The following RAB3C variants were observed in gnomAD, a reference collection of about 807,000 sequenced individuals.
RAB3C encodes ras-related protein Rab-3C.
Under a neutral mutation model 26.4 loss-of-function variants are expected in RAB3C, and 17 were observed. The ratio of observed to expected loss-of-function variants is 0.64; its 90% CI spans 0.44 to 0.97. The LOEUF (loss-of-function observed/expected upper bound fraction) is 0.97. RAB3C is among the 50% of genes least tolerant of loss of function. The pLI, the probability that RAB3C is intolerant of heterozygous loss-of-function variation, is 0.00. For missense variants in RAB3C, 242 were observed against 281.9 expected (o/e 0.86, Z 1.01); for synonymous variants, 91 against 95.9 (o/e 0.95, Z 0.30).
chr5:58,805,589 G>GAAAA (rs1554019798), intron 3 of RAB3C, among the ~76,000 whole-genome samples: 2 of 107,144 alleles, frequency 1.9e-5, no homozygotes, highest in African/African-American at 3.6e-5. Flanking sequence ...GACTCCATCT[G>GAAAA]AAAAAAAAAA....
At chr5:58,678,410 A>G (rs1303256296) in intron 2 of RAB3C, among the ~76,000 whole-genome samples, 1 of 152,140 alleles carries the variant, frequency 6.6e-6, no homozygotes, top group Non-Finnish European at 1.5e-5. Context: ...TTTGATGGGA[A>G]CACATGGAGT....
rs2112091105 is a variant in RAB3C at position 58,851,152 on chromosome 5, T to C, written c.497-12T>C. 6.3e-7 allele frequency: 1 copy of C among 1,584,262 alleles called. No homozygotes were observed. Among genetic ancestry groups the C allele is most frequent in the Middle Eastern group, 1.7e-4 (1 of 5,904 alleles). The stretch of plus-strand genomic sequence containing the variant: ...AAAATAACCAAGATGTGTTTCTGTG[T>C]GTTTCTTCCAGGGTTTGAGTTTTTT... On this transcript the variant is annotated splice_polypyrimidine_tract_variant and intron_variant, in intron 4 of 4. Coordinates refer to ENST00000282878, the MANE Select transcript of RAB3C (RefSeq NM_138453.4).
intron 3 of RAB3C, among the ~76,000 whole-genome samples, chr5:58,726,369 G>A (rs900958087): frequency 4.6e-5 from 7 of 151,808 alleles, no homozygotes; most frequent in African/African-American, 9.7e-5. Flanking sequence ...TGTCATCATC[G>A]CTTCCATGGA....
intron 2 of RAB3C, among the ~76,000 whole-genome samples, chr5:58,624,217 A>G (rs1263516973): frequency 6.6e-6 from 1 of 152,148 alleles, no homozygotes; most frequent in Non-Finnish European, 1.5e-5. Context: ...AGGAGATCGA[A>G]TTCCACTGCT....
chr5:58,755,524 C>T (rs10940623), intron 3 of RAB3C, among the ~76,000 whole-genome samples: 27,044 of 152,084 alleles, frequency 0.18, 2,476 homozygotes, highest in South Asian at 0.22. Flanking sequence ...GTACTAGGGG[C>T]TAGACAAGAC....
chr5:58,641,828 A>C (rs1297644893), intron 2 of RAB3C, among the ~76,000 whole-genome samples: 4 of 152,124 alleles, frequency 2.6e-5, no homozygotes, highest in African/African-American at 7.2e-5. Context: ...TCATCTATTA[A>C]CTGTTTTGTT....
At chr5:58,809,600 G>A (rs140945283) in intron 3 of RAB3C, among the ~76,000 whole-genome samples, 5 of 152,242 alleles carry the variant, frequency 3.3e-5, no homozygotes, top group Admixed American at 2.6e-4. Flanking sequence ...AAGTTCACAC[G>A]TTGAAGCCCC....
chr5:58,832,145 C>A (rs1268769612), intron 4 of RAB3C, among the ~76,000 whole-genome samples: 1 of 152,206 alleles, frequency 6.6e-6, no homozygotes, highest in African/African-American at 2.4e-5. Context: ...AGGATGGATT[C>A]ATGCTGAAGC....
intron 2 of RAB3C, among the ~76,000 whole-genome samples, chr5:58,707,268 A>G (rs1748963727): frequency 6.6e-6 from 1 of 152,238 alleles, no homozygotes; most frequent in Admixed American, 6.5e-5. Flanking sequence ...GATATCATAC[A>G]TAACATTTGG....
chr5:58,738,187 C>T (rs1414264631), intron 3 of RAB3C, among the ~76,000 whole-genome samples: 1 of 151,982 alleles, frequency 6.6e-6, no homozygotes, highest in African/African-American at 2.4e-5. Flanking sequence ...TTTTCCCACT[C>T]ATACCTTCAT....
At chr5:58,775,045 T>C (rs1334457400) in intron 3 of RAB3C, among the ~76,000 whole-genome samples, 1 of 152,114 alleles carries the variant, frequency 6.6e-6, no homozygotes, top group Non-Finnish European at 1.5e-5. Context: ...GCTTCTGTGT[T>C]ATGAATTGAG....
At chr5:58,656,688 A>G (rs898421390) in intron 2 of RAB3C, among the ~76,000 whole-genome samples, 8 of 152,204 alleles carry the variant, frequency 5.3e-5, no homozygotes, top group African/African-American at 1.7e-4. Flanking sequence ...TGAAGTAAGC[A>G]TATACATTAT....
Position 58,778,983 on chromosome 5 carries a change from C to A in RAB3C, c.372-46055C>A, listed in dbSNP as rs1579914088. 2.0e-5 allele frequency among the ~76,000 whole-genome samples: 3 copies of A among 152,274 alleles called. No homozygotes were observed. The East Asian group carries it at 5.8e-4, about 29-fold the overall frequency. ...GACAGGATTAAAAACACAAAGTCATCTTTGACAGCTTATATATCCCATCAA... is the reference window on the plus strand; with the variant it reads ...GACAGGATTAAAAACACAAAGTCATATTTGACAGCTTATATATCCCATCAA... On this transcript the variant is annotated intron_variant, in intron 3 of 4. Transcript: ENST00000282878.
chr5:58,753,398 T>G (rs933349405), intron 3 of RAB3C, among the ~76,000 whole-genome samples: 1 of 152,162 alleles, frequency 6.6e-6, no homozygotes, highest in African/African-American at 2.4e-5. Flanking sequence ...AAATGCCAAG[T>G]AAATCCCCCT....
At chr5:58,828,131 G>A (rs973044684) in intron 4 of RAB3C, among the ~76,000 whole-genome samples, 4 of 152,082 alleles carry the variant, frequency 2.6e-5, no homozygotes, top group Admixed American at 6.6e-5. Flanking sequence ...GGCAGCTGTC[G>A]GTCGCAATCC....
chr5:58,656,584 T>C (rs1177178736), intron 2 of RAB3C, among the ~76,000 whole-genome samples: 2 of 152,226 alleles, frequency 1.3e-5, no homozygotes. Flanking sequence ...CAGTTTTTAA[T>C]ATCTCGCCTC....
intron 1 of RAB3C, among the ~76,000 whole-genome samples, chr5:58,613,162 CT>C (rs1211218394): frequency 2.6e-5 from 4 of 152,150 alleles, no homozygotes; most frequent in African/African-American, 9.6e-5. Flanking sequence ...AATAGAACTT[CT>C]GGGAAAACAG....
At chr5:58,633,461 A>T (rs151108275) in intron 2 of RAB3C, among the ~76,000 whole-genome samples, 3,186 of 152,320 alleles carry the variant, frequency 0.021, 59 homozygotes, top group Non-Finnish European at 0.027. Flanking sequence ...TAACTTGTGT[A>T]TTTGTGTGAT....
intron 4 of RAB3C, among the ~76,000 whole-genome samples, chr5:58,841,851 T>A (rs1743882866): frequency 6.6e-6 from 1 of 152,218 alleles, no homozygotes; most frequent in Non-Finnish European, 1.5e-5. Flanking sequence ...GTCTGCAGTC[T>A]CTTGCTGCAC....
Sources: allele counts gnomAD v4.1 joint callset (sites outside exome capture counted in the v4.1 genomes callset), GRCh38; gene constraint gnomAD v4.1.1; transcripts MANE v1.5; gene names NCBI Gene and HGNC (gene_info 2026-07-23, HGNC 2026-07-21).